The following SSBP4 variants were observed in gnomAD, a reference collection of about 807,000 sequenced individuals.
The protein encoded by SSBP4 is single stranded DNA binding protein 4, also known as single-stranded DNA-binding protein 4.
Under a neutral mutation model 64.6 loss-of-function variants are expected in SSBP4, and 33 were observed. That is an observed-to-expected ratio of 0.51 (90% confidence interval 0.39 to 0.68). The LOEUF (loss-of-function observed/expected upper bound fraction) is 0.68. SSBP4 is among the 30% of genes least tolerant of loss of function. The pLI, the probability that SSBP4 is intolerant of heterozygous loss-of-function variation, is 0.00. For synonymous variants in SSBP4, 243 were observed against 224.0 expected (o/e 1.08, Z -0.76); for missense variants, 583 against 566.8 (o/e 1.03, Z -0.29).
rs1973378942 is a variant in SSBP4, at chr19:18,431,513, C to G, written c.435+95C>G. 9.8e-6 allele frequency: 13 copies of G among 1,332,094 alleles called. 1 individual carries two copies. The highest frequency in any genetic ancestry group is 1.5e-5 in the African/African-American group (1 of 67,032). 82.5% of individuals were successfully genotyped at this position (1,332,094 alleles called of 1,614,324 possible). ...CAAGCCATGAGGTCCTGGCTGGTGC[C>G]AGCTGGCCGGGCTTTGCTGGCTGGT... On this transcript the variant is annotated intron_variant, in intron 6 of 17. Coordinates refer to ENST00000270061, the MANE Select transcript of SSBP4 (RefSeq NM_032627.5).
Position 18,433,629 on chromosome 19 carries a change from T to C in SSBP4, c.1020+16T>C. The C allele has an allele frequency of 7.9e-7, 1 of 1,258,236 alleles. No homozygotes were observed. Among genetic ancestry groups the C allele is most frequent in the Middle Eastern group, 2.7e-4 (1 of 3,668 alleles). 77.9% of individuals were successfully genotyped at this position (1,258,236 alleles called of 1,614,324 possible). A position where few individuals can be genotyped will look rare whatever the true frequency, so the allele number is the denominator to read the frequency against. On this transcript the variant is annotated intron_variant, in intron 16 of 17. Transcript: ENST00000270061. ...GTTGCCGAAGGTAAGGAGGCTGCGCTCTTGCCGGGGGTGGGATCCGGGGGG... is the reference window on the plus strand; with the variant it reads ...GTTGCCGAAGGTAAGGAGGCTGCGCCCTTGCCGGGGGTGGGATCCGGGGGG...
At chr19:18,429,273 C>T (rs1044193864) in intron 4 of SSBP4, among the ~76,000 whole-genome samples, 48 of 151,420 alleles carry the variant, frequency 3.2e-4, no homozygotes, top group Non-Finnish European at 5.8e-4. Flanking sequence ...CGCCCCTCCC[C>T]GGCTCCCTGC....
the SSBP4 span, among the ~76,000 whole-genome samples, chr19:18,412,331 G>C: frequency 1.3e-5 from 2 of 150,918 alleles, no homozygotes; most frequent in Non-Finnish European, 3.0e-5. Context: ...CGTGGTGGCA[G>C]GCGCCTGTAA....
Position 18,431,351 on chromosome 19 carries a change from AG to A in SSBP4, c.371del. ...CCCACCCACCTGGTTCTGTCCTCCTAGGGCCCCCCCGGCTCCCAGCCGTCCC... is the reference window on the plus strand; with the variant it reads ...CCCACCCACCTGGTTCTGTCCTCCTAGGCCCCCCCGGCTCCCAGCCGTCCC... On this transcript the variant is annotated splice_acceptor_variant, in intron 5 of 17. Coordinates refer to ENST00000270061, the MANE Select transcript of SSBP4 (RefSeq NM_032627.5). LOFTEE classifies it high-confidence loss of function. 2 of 637,420 alleles carry A rather than the reference AG, an allele frequency of 3.1e-6. No individual in the cohort carries two copies. The highest frequency in any genetic ancestry group is 1.8e-5 in the South Asian group (1 of 55,284). The allele number at this position is 637,420 out of a possible 1,614,324, so 39.5% of individuals were successfully genotyped here.
At chr19:18,408,493 C>T in the SSBP4 span, among the ~76,000 whole-genome samples, 186 of 141,846 alleles carry the variant, frequency 1.3e-3, 2 homozygotes, top group East Asian at 0.024. Flanking sequence ...CACCAAGCCA[C>T]CAATTTTTTT....
the SSBP4 span, among the ~76,000 whole-genome samples, chr19:18,411,800 C>T: frequency 1.3e-5 from 2 of 152,150 alleles, no homozygotes; most frequent in South Asian, 2.1e-4. Flanking sequence ...AGAAAAGACT[C>T]GTGTCCCTGT....
At position 18,431,854 on chromosome 19, in the gene SSBP4, G is replaced by A. The variant is rs929500220; in HGVS notation, c.557G>A (p.Arg186Gln). The change falls in exon 8 of 18, where the codon CGA becomes CAA. Residue 186 changes from arginine to glutamine, a missense_variant. Physicochemically the swap from Arg to Gln is conservative, Grantham distance 43 (BLOSUM62 1). This residue lies in a region of SSBP4 where 444 missense variants were observed against 386.6 expected (regional missense o/e 1.15). Coordinates refer to ENST00000270061, the MANE Select transcript of SSBP4 (RefSeq NM_032627.5). ...CCTGGCGCCATGGAGCCCTCCCCAC[G>A]AGCCCAGGGTGAGTAGGGAAGCTCC... ...LLPGAMEPSP[R>Q]AQGHPSMGGP... 1.0e-5 allele frequency: 16 copies of A among 1,571,862 alleles called. No individual in the cohort carries two copies. Among genetic ancestry groups the A allele is most frequent in the East Asian group, 2.4e-5 (1 of 42,548 alleles).
chr19:18,415,317 A>AGGAG (rs1972123614), upstream of SSBP4, among the ~76,000 whole-genome samples: 1 of 152,034 alleles, frequency 6.6e-6, no homozygotes. Context: ...TTTAATGAGG[A>AGGAG]GGAGGGAGGG....
Position 18,419,665 on chromosome 19 carries a change from GC to G in SSBP4, c.18del (p.Lys7ArgfsTer133). 1 of 1,239,042 alleles carries G rather than the reference GC, an allele frequency of 8.1e-7. No homozygotes were observed. The highest frequency in any genetic ancestry group is 1.6e-5 in the African/African-American group (1 of 62,512). 76.8% of individuals were successfully genotyped at this position (1,239,042 alleles called of 1,614,324 possible). A position where few individuals can be genotyped will look rare whatever the true frequency, so the allele number is the denominator to read the frequency against. On this transcript the variant is annotated frameshift_variant, in exon 1 of 18. Coordinates refer to ENST00000270061, the MANE Select transcript of SSBP4 (RefSeq NM_032627.5). MYAKG[G>X]KGSAVPSDSQ... is the part of the protein sequence containing the mutation. ...TGGAGCAGCATGTACGCCAAGGGGG[GC>G]AAGGGTTCGGCCGTGCCCTCCGACA...
Position 18,419,629 on chromosome 19 carries a change from C to T in SSBP4, c.-20C>T. 3 of 1,264,222 alleles carry T rather than the reference C, an allele frequency of 2.4e-6. No individual in the cohort carries two copies. Among genetic ancestry groups the T allele is most frequent in the Admixed American group, 4.1e-5 (1 of 24,434 alleles). The allele number at this position is 1,264,222 out of a possible 1,614,324, so 78.3% of individuals were successfully genotyped here. A position where few individuals can be genotyped will look rare whatever the true frequency, so the allele number is the denominator to read the frequency against. The stretch of plus-strand genomic sequence containing the variant: ...GCCGCCTGACAGGTGTGGGCCCCGG[C>T]GGCGGCGGCGTGGAGCAGCATGTAC... On this transcript the variant is annotated 5_prime_UTR_variant, in exon 1 of 18. Transcript: ENST00000270061.
At chr19:18,429,111 G>A (rs1220552041) in intron 4 of SSBP4, among the ~76,000 whole-genome samples, 1 of 152,150 alleles carries the variant, frequency 6.6e-6, no homozygotes, top group Non-Finnish European at 1.5e-5. Flanking sequence ...GCCCTGGGGT[G>A]ACCGAATCCC....
intron 17 of SSBP4, 169 bp from the exon 18 acceptor site, chr19:18,434,048 C>T (rs1973786690): frequency 1.5e-6 from 2 of 1,296,842 alleles, no homozygotes; most frequent in Admixed American, 8.0e-5. Flanking sequence ...GGACCCGCGC[C>T]CCAGGGCGGC....
At chr19:18,414,362 C>A (rs1002022453), upstream of SSBP4, among the ~76,000 whole-genome samples, 1 of 152,090 alleles carries the variant, frequency 6.6e-6, no homozygotes, top group African/African-American at 2.4e-5. Flanking sequence ...CTTGTTAGTG[C>A]ATGCATTTGG....
the SSBP4 span, among the ~76,000 whole-genome samples, chr19:18,405,377 C>T: frequency 6.6e-6 from 1 of 152,134 alleles, no homozygotes; most frequent in Non-Finnish European, 1.5e-5. Flanking sequence ...AACCCTCCCC[C>T]ACGCCAGGCG....
intron 16 of SSBP4, 25 bp downstream of exon 16, chr19:18,433,638 G>A: frequency 6.8e-7 from 1 of 1,471,980 alleles, no homozygotes; most frequent in Non-Finnish European, 9.0e-7. Context: ...CTCTTGCCGG[G>A]GGTGGGATCC....
At chr19:18,433,504 C>T (rs12980450) in intron 15 of SSBP4, 81 bp from the exon 16 acceptor site, 2 of 1,528,642 alleles carry the variant, frequency 1.3e-6, no homozygotes, top group Middle Eastern at 1.8e-4. Flanking sequence ...GGGCAGCTTG[C>T]GAGGGTCGTT....
chr19:18,432,016 C>G lies in SSBP4; in HGVS notation c.582C>G (p.Gly194=). Residue 194 remains glycine, a synonymous_variant, in exon 9 of 18, where the codon GGC becomes GGG. Coordinates refer to ENST00000270061, the MANE Select transcript of SSBP4 (RefSeq NM_032627.5). ...CCACCCCAGGGCATCCGAGCATGGG[C>G]GGCCCAATGCAGAGGGTGACGCCTC... is the stretch of plus-strand genomic sequence containing the variant. ...SPRAQGHPSM[G]GPMQRVTPPR... 6.4e-7 allele frequency: 1 copy of G among 1,568,726 alleles called. No homozygotes were observed. Among genetic ancestry groups the G allele is most frequent in the Non-Finnish European group, 8.7e-7 (1 of 1,152,562 alleles).
upstream of SSBP4, among the ~76,000 whole-genome samples, chr19:18,416,851 C>T (rs376623798): frequency 3.3e-5 from 5 of 152,356 alleles, no homozygotes; most frequent in East Asian, 7.7e-4. Context: ...GCGGGTTCTG[C>T]CCCCGCAAGG....
intron 1 of SSBP4, among the ~76,000 whole-genome samples, chr19:18,421,912 G>T (rs1222915292): frequency 6.6e-6 from 1 of 152,138 alleles, no homozygotes; most frequent in Non-Finnish European, 1.5e-5. Context: ...AATCATCCTA[G>T]CACTTTGGGA....
Sources: gnomAD v4.1 joint callset for allele counts (sites outside exome capture counted in the v4.1 genomes callset) on GRCh38, gnomAD v4.1.1 for gene constraint, gnomAD v4.1.1 regional missense constraint, MANE v1.5 for transcripts, NCBI Gene and HGNC (gene_info 2026-07-23, HGNC 2026-07-21) for gene names.